The following TMEM38B variants were observed in gnomAD, a reference collection of about 807,000 sequenced individuals.
TMEM38B encodes transmembrane protein 38B.
Under a neutral mutation model 28.7 loss-of-function variants are expected in TMEM38B, and 24 were observed. The observed-to-expected ratio is 0.84, with a 90% CI of 0.61 to 1.18. The LOEUF (loss-of-function observed/expected upper bound fraction) is 1.18. Ranked by LOEUF, TMEM38B falls within the 50% of genes most tolerant of loss-of-function variation. TMEM38B has a pLI of 0.00. For missense variants in TMEM38B, 380 were observed against 350.9 expected (o/e 1.08, Z -0.66); for synonymous variants, 131 against 127.7 (o/e 1.03, Z -0.17).
At chr9:105,698,693 A>G (rs10119254) in intron 1 of TMEM38B, among the ~76,000 whole-genome samples, 65,099 of 151,872 alleles carry the variant, frequency 0.43, 16,084 homozygotes, top group African/African-American at 0.68. Context: ...AGGTTATTTT[A>G]TTGTGTGACC....
chr9:105,697,031 G>A (rs1157627066), intron 1 of TMEM38B, among the ~76,000 whole-genome samples: 4 of 152,106 alleles, frequency 2.6e-5, no homozygotes, highest in Non-Finnish European at 4.4e-5. Flanking sequence ...AAAACCTTTT[G>A]GGGTTGTCAA....
At chr9:105,732,277 T>A (rs1156883230) in intron 4 of TMEM38B, among the ~76,000 whole-genome samples, 2 of 152,218 alleles carry the variant, frequency 1.3e-5, no homozygotes, top group Non-Finnish European at 2.9e-5. Context: ...ACTCTGATGG[T>A]AGTTTCTTTT....
At chr9:105,727,785 G>A (rs967224996) in intron 4 of TMEM38B, among the ~76,000 whole-genome samples, 1 of 152,092 alleles carries the variant, frequency 6.6e-6, no homozygotes, top group African/African-American at 2.4e-5. Flanking sequence ...GGAGGTGATT[G>A]GATCATGGGG....
At chr9:105,723,424 T>C (rs1023901389) in intron 4 of TMEM38B, among the ~76,000 whole-genome samples, 5 of 147,012 alleles carry the variant, frequency 3.4e-5, no homozygotes, top group African/African-American at 1.1e-4. Context: ...TTTTTTTTTT[T>C]GAGACAGGGT....
Position 105,748,115 on chromosome 9 carries a change from C to A in TMEM38B, c.585C>A (p.Phe195Leu). 1 of 1,613,602 alleles carries A rather than the reference C, an allele frequency of 6.2e-7. No individual in the cohort carries two copies. Among genetic ancestry groups the A allele is most frequent in the Non-Finnish European group, 8.5e-7 (1 of 1,179,686 alleles). Reference protein sequence around the residue: ...VTLLGSVIFTFQHTQHLAISK... With the variant: ...VTLLGSVIFTLQHTQHLAISK... ...TGCTGGGGTCAGTTATCTTCACATT[C>A]CAGCACACCCAGCATCTGGCAATAT... is the stretch of plus-strand genomic sequence containing the variant. The change falls in exon 5 of 6, where the codon TTC becomes TTA. Residue 195 changes from phenylalanine to leucine, a missense_variant. By Grantham distance (22) the Phe-to-Leu change is conservative (BLOSUM62 0). Coordinates refer to ENST00000374692, the MANE Select transcript of TMEM38B (RefSeq NM_018112.3).
chr9:105,770,426 C>T (rs948054386), intron 5 of TMEM38B, among the ~76,000 whole-genome samples: 1 of 151,968 alleles, frequency 6.6e-6, no homozygotes, highest in Admixed American at 6.6e-5. Context: ...TTATTCCACA[C>T]TTAAAGATAT....
Position 105,767,086 on chromosome 9 carries a change from T to A in TMEM38B, c.661-6779T>A, listed in dbSNP as rs541143270. Among the ~76,000 whole-genome samples, 76 of 152,086 alleles carry A rather than the reference T, an allele frequency of 5.0e-4. 2 individuals are homozygous for A. In the South Asian group the frequency reaches 0.015, roughly 31 times the overall value. On this transcript the variant is annotated intron_variant, in intron 5 of 5. Coordinates refer to ENST00000374692, the MANE Select transcript of TMEM38B (RefSeq NM_018112.3). The stretch of plus-strand genomic sequence containing the variant: ...GACATGAACTCATCCTTTTTACTTT[T>A]AGAGTCTGTGAACCATTTCAAATTA...
intron 3 of TMEM38B, among the ~76,000 whole-genome samples, 161 bp from the exon 4 acceptor site, chr9:105,722,373 A>G (rs1356051285): frequency 6.6e-6 from 1 of 152,222 alleles, no homozygotes; most frequent in Non-Finnish European, 1.5e-5. Flanking sequence ...CAGTTGTTTT[A>G]GTACCCTAAA....
At chr9:105,759,648 T>A (rs913316809) in intron 5 of TMEM38B, 19 of 1,599,898 alleles carry the variant, frequency 1.2e-5, no homozygotes, top group African/African-American at 4.0e-5. Flanking sequence ...GGCATCAATC[T>A]TTTCCAAACA....
chr9:105,738,779 G>A (rs1269568240), intron 4 of TMEM38B, among the ~76,000 whole-genome samples: 1 of 145,022 alleles, frequency 6.9e-6, no homozygotes, highest in African/African-American at 2.6e-5. Flanking sequence ...GTGCAGTGGC[G>A]CTGTCACAGC....
chr9:105,729,196 G>A lies in TMEM38B; in HGVS notation c.542+6575G>A, dbSNP rs544988888. Among the ~76,000 whole-genome samples, 4 of 152,278 alleles carry A rather than the reference G, an allele frequency of 2.6e-5. No individual in the cohort carries two copies. The East Asian group carries it at 7.7e-4, about 29-fold the overall frequency. ...ATGGCATTGCCTAGGTTTTCTTCCA[G>A]GGATTTTATGGTTTTAGGTCTAACA... On this transcript the variant is annotated intron_variant, in intron 4 of 5. Transcript: ENST00000374692.
chr9:105,760,207 G>A, intron 5 of TMEM38B: 1 of 898,598 alleles, frequency 1.1e-6, no homozygotes, highest in Non-Finnish European at 1.9e-6. Flanking sequence ...GAGTCAAAAT[G>A]TTGATATGTC....
chr9:105,759,120 C>G, intron 5 of TMEM38B: 1 of 782,122 alleles, frequency 1.3e-6, no homozygotes. Flanking sequence ...TACGAATAAT[C>G]CAACTTATGT....
At chr9:105,760,375 A>C (rs1238627043) in intron 5 of TMEM38B, 54 of 761,890 alleles carry the variant, frequency 7.1e-5, no homozygotes, top group Non-Finnish European at 1.2e-4. Context: ...TCAAGTACCA[A>C]CTTATTTACA....
intron 2 of TMEM38B, among the ~76,000 whole-genome samples, chr9:105,713,275 C>G (rs1030521023): frequency 2.6e-5 from 4 of 152,218 alleles, no homozygotes; most frequent in African/African-American, 9.6e-5. Flanking sequence ...CCCTCCCCGA[C>G]AGCTGCAGCC....
intron 5 of TMEM38B, 47 bp from the exon 6 acceptor site, chr9:105,773,818 C>T: frequency 1.9e-6 from 3 of 1,555,936 alleles, no homozygotes; most frequent in Non-Finnish European, 2.6e-6. Flanking sequence ...TCTTGAGAAA[C>T]AGAAATCATT....
chr9:105,776,128 A>G lies in TMEM38B; in HGVS notation c.*2048A>G, dbSNP rs1826713122. 1.3e-5 allele frequency: 2 copies of G among 152,192 alleles called. No individual in the cohort carries two copies. Among genetic ancestry groups the G allele is most frequent in the South Asian group, 2.1e-4 (1 of 4,836 alleles). 9.4% of individuals were successfully genotyped at this position (152,192 alleles called of 1,614,324 possible). A position where few individuals can be genotyped will look rare whatever the true frequency, so the allele number is the denominator to read the frequency against. ...CCAATGTGAAGTGTGAATAAGGCCT[A>G]TAGGCCTGCCTCACACAGCTAATCA... is the stretch of plus-strand genomic sequence containing the variant. On this transcript the variant is annotated 3_prime_UTR_variant, in exon 6 of 6. Transcript: ENST00000374692.
chr9:105,705,840 A>G (rs1835640366), intron 2 of TMEM38B, 87 bp downstream of exon 2: 3 of 1,401,320 alleles, frequency 2.1e-6, no homozygotes, highest in Non-Finnish European at 2.9e-6. Flanking sequence ...TCTTTGAACA[A>G]TATTTTACGT....
chr9:105,765,189 A>T (rs1826325888), intron 5 of TMEM38B, among the ~76,000 whole-genome samples: 1 of 152,202 alleles, frequency 6.6e-6, no homozygotes, highest in Non-Finnish European at 1.5e-5. Flanking sequence ...TAAAATGTGG[A>T]TTATTTTGCA....
Sources: allele counts gnomAD v4.1 joint callset (sites outside exome capture counted in the v4.1 genomes callset), GRCh38; gene constraint gnomAD v4.1.1; transcripts MANE v1.5; gene names NCBI Gene and HGNC (gene_info 2026-07-23, HGNC 2026-07-21).